Variants in MTA3 observed in about 807,000 individuals in gnomAD.
MTA3 encodes metastasis associated 1 family member 3.
Under a neutral mutation model 83.5 loss-of-function variants are expected in MTA3, and 34 were observed. That is an observed-to-expected ratio of 0.41 (90% CI 0.31 to 0.54). The LOEUF (loss-of-function observed/expected upper bound fraction) is 0.54, where lower values mean the gene tolerates loss of function less well. MTA3 is among the 20% of genes least tolerant of loss of function. The probability of loss-of-function intolerance (pLI) is 0.33; values close to 1 mark genes in which losing one functional copy is unlikely to be tolerated. For synonymous variants in MTA3, 303 were observed against 252.7 expected (o/e 1.20, Z -1.89); for missense variants, 761 against 726.4 (o/e 1.05, Z -0.55).
chr2:42,706,957 A>C (rs1259159785), intron 12 of MTA3, among the ~76,000 whole-genome samples: 1 of 151,046 alleles, frequency 6.6e-6, no homozygotes, highest in Non-Finnish European at 1.5e-5. Flanking sequence ...CTCCTCCCCT[A>C]CTCCCTCCCT....
At chr2:42,538,308 G>C (rs1468104063) in intron 2 of MTA3, among the ~76,000 whole-genome samples, 1 of 151,900 alleles carries the variant, frequency 6.6e-6, no homozygotes, top group African/African-American at 2.4e-5. Flanking sequence ...GAGCATATTG[G>C]CCAATCGGTA....
At chr2:42,531,224 C>G (rs749460102) in intron 2 of MTA3, among the ~76,000 whole-genome samples, 1 of 152,166 alleles carries the variant, frequency 6.6e-6, no homozygotes, top group African/African-American at 2.4e-5. Context: ...TGGGACCTCA[C>G]AGCCTCCAGA....
chr2:42,525,727 G>T (rs923271360), intron 2 of MTA3, among the ~76,000 whole-genome samples: 2 of 150,952 alleles, frequency 1.3e-5, no homozygotes, highest in Non-Finnish European at 2.9e-5. Context: ...GCACAATCTC[G>T]GCTCACTGTA....
rs777920153 is a variant in MTA3 at position 42,753,609 on chromosome 2, G to A, written c.*210G>A. 3.4e-4 allele frequency: 464 copies of A among 1,370,566 alleles called. No individual in the cohort carries two copies. Among genetic ancestry groups the A allele is most frequent in the Non-Finnish European group, 4.1e-4 (440 of 1,061,448 alleles). 84.9% of individuals were successfully genotyped at this position (1,370,566 alleles called of 1,614,324 possible). On this transcript the variant is annotated 3_prime_UTR_variant, in exon 17 of 17. Transcript: ENST00000405094. The stretch of plus-strand genomic sequence containing the variant: ...TCCACGTGTGGATCAGCAGCACCTC[G>A]CTTTCTTGTCAGAGACCTCGCTGTT...
chr2:42,509,451 T>G (rs1160368321), intron 2 of MTA3, among the ~76,000 whole-genome samples: 3 of 152,128 alleles, frequency 2.0e-5, no homozygotes, highest in Non-Finnish European at 4.4e-5. Context: ...CCTAGAACGG[T>G]GCTTGGCTCC....
intron 2 of MTA3, chr2:42,511,845 C>T (rs1350745630): frequency 1.3e-5 from 2 of 152,098 alleles, no homozygotes; most frequent in East Asian, 1.9e-4. Context: ...AGTGAAACCC[C>T]ATCTCTACTA....
intron 6 of MTA3, among the ~76,000 whole-genome samples, chr2:42,655,188 C>A (rs953732948): frequency 6.6e-6 from 1 of 152,124 alleles, no homozygotes; most frequent in South Asian, 2.1e-4. Context: ...CTTGTCACTC[C>A]CTTACCAGAA....
intron 4 of MTA3, among the ~76,000 whole-genome samples, chr2:42,626,026 T>C (rs1226724021): frequency 1.4e-5 from 2 of 146,726 alleles, no homozygotes; most frequent in African/African-American, 2.6e-5. Context: ...CACTGCAAGC[T>C]CTACCTCCCG....
chr2:42,659,652 C>G (rs549886107), intron 7 of MTA3, 111 bp from the exon 8 acceptor site: 2 of 684,168 alleles, frequency 2.9e-6, no homozygotes, highest in Admixed American at 4.5e-5. Context: ...TTGTTTTTGC[C>G]TCTTCTTTTA....
upstream of MTA3, among the ~76,000 whole-genome samples, chr2:42,565,278 G>A (rs537662668): frequency 6.6e-6 from 1 of 152,040 alleles, no homozygotes; most frequent in East Asian, 1.9e-4. Flanking sequence ...CTACCTCCTG[G>A]GCTCAAGCGA....
intron 2 of MTA3, among the ~76,000 whole-genome samples, chr2:42,509,526 T>G (rs1008996404): frequency 4.6e-5 from 7 of 152,104 alleles, no homozygotes; most frequent in African/African-American, 1.7e-4. Context: ...TCTCAGCACT[T>G]TGGGAGACCA....
chr2:42,549,392 A>G lies in MTA3; in HGVS notation c.-140-21045A>G, dbSNP rs1442423205. ...ATACGTATATAAAATATATGTATAT[A>G]TTATATATACGTATATAATATATAT... On this transcript the variant is annotated intron_variant, in intron 2 of 17. Transcript: ENST00000405592. 4.2e-5 allele frequency among the ~76,000 whole-genome samples: 5 copies of G among 118,666 alleles called. No individual in the cohort carries two copies. The Admixed American group carries it at 5.5e-4, about 13-fold the overall frequency. 77.8% of individuals were successfully genotyped at this position (118,666 alleles called of 152,430 possible).
chr2:42,639,470 C>G (rs1687506347), intron 4 of MTA3, among the ~76,000 whole-genome samples: 1 of 152,044 alleles, frequency 6.6e-6, no homozygotes, highest in African/African-American at 2.4e-5. Flanking sequence ...TAATAAATGC[C>G]TCTACCTACA....
intron 16 of MTA3, among the ~76,000 whole-genome samples, chr2:42,742,352 G>T (rs1001627717): frequency 6.6e-6 from 1 of 151,966 alleles, no homozygotes; most frequent in South Asian, 2.1e-4. Flanking sequence ...TTGGCCAGGT[G>T]TGTCTCAAGT....
chr2:42,654,072 A>G (rs973665108), intron 6 of MTA3, among the ~76,000 whole-genome samples: 3 of 152,252 alleles, frequency 2.0e-5, no homozygotes, highest in Admixed American at 2.0e-4. Flanking sequence ...TGTAAACAAA[A>G]CAAAGAATGA....
At chr2:42,679,244 T>C (rs1691651037) in intron 8 of MTA3, among the ~76,000 whole-genome samples, 1 of 152,180 alleles carries the variant, frequency 6.6e-6, no homozygotes, top group Admixed American at 6.5e-5. Context: ...AAGTATAATT[T>C]TCCATGATAT....
chr2:42,696,863 G>A (rs1330294718), intron 10 of MTA3, among the ~76,000 whole-genome samples: 1 of 152,170 alleles, frequency 6.6e-6, no homozygotes. Flanking sequence ...TTCAAAAAGT[G>A]CTTATTATAA....
chr2:42,665,587 C>A (rs1231082181), intron 8 of MTA3, among the ~76,000 whole-genome samples: 2 of 152,166 alleles, frequency 1.3e-5, no homozygotes, highest in Non-Finnish European at 2.9e-5. Context: ...CTGCACTCCC[C>A]TGGCTTGAAG....
At chr2:42,630,330 T>C (rs1006596816) in intron 4 of MTA3, among the ~76,000 whole-genome samples, 1 of 152,150 alleles carries the variant, frequency 6.6e-6, no homozygotes, top group African/African-American at 2.4e-5. Context: ...ACAGTTTCAG[T>C]GGAGGGGGAT....
Sources: gnomAD v4.1 joint callset for allele counts (sites outside exome capture counted in the v4.1 genomes callset) on GRCh38, gnomAD v4.1.1 for gene constraint, MANE v1.5 for transcripts, NCBI Gene and HGNC (gene_info 2026-07-23, HGNC 2026-07-21) for gene names.